The following GTF2IRD2 variants were observed in gnomAD, a reference collection of about 807,000 sequenced individuals.
The protein encoded by GTF2IRD2 is GTF2I repeat domain containing 2, also known as general transcription factor II-I repeat domain-containing protein 2A.
Under a neutral mutation model 49.2 loss-of-function variants are expected in GTF2IRD2, and 8 were observed. The observed-to-expected ratio is 0.16, with a 90% CI of 0.10 to 0.29. GTF2IRD2 has a LOEUF of 0.29. Ranked by LOEUF, GTF2IRD2 falls within the 10% of genes least tolerant of loss-of-function variation. GTF2IRD2 has a pLI of 1.00. For synonymous variants in GTF2IRD2, 47 were observed against 289.7 expected (o/e 0.16, Z 8.51); for missense variants, 130 against 725.7 (o/e 0.18, Z 9.43).
intron 3 of GTF2IRD2, 134 bp from the exon 4 acceptor site, chr7:74,825,186 CA>C (rs1372244698): frequency 2.6e-6 from 2 of 773,076 alleles, no homozygotes; most frequent in Admixed American, 8.2e-5. Context: ...TAAAGAAAAA[CA>C]AGAAAAAATT....
chr7:74,841,142 C>T lies in GTF2IRD2; in HGVS notation c.-5-4759G>A, dbSNP rs1312533287. On this transcript the variant is annotated intron_variant, in intron 1 of 15. Transcript: ENST00000451013. ...GGGTCTACAGGCGTGAGCCACCATG[C>T]CCAGCCTTATTTTATATATATATAT... Among the ~76,000 whole-genome samples the T allele has an allele frequency of 3.5e-5, 5 of 142,784 alleles. 1 individual carries two copies. The highest frequency in any genetic ancestry group is 1.4e-4 in the African/African-American group (5 of 35,758). 93.7% of individuals were successfully genotyped at this position (142,784 alleles called of 152,430 possible).
intron 1 of GTF2IRD2, among the ~76,000 whole-genome samples, chr7:74,842,231 CTTTT>C (rs71267867): frequency 8.2e-6 from 1 of 121,898 alleles, no homozygotes. Context: ...TTTTAATTTT[CTTTT>C]TTTTTTTTTT....
chr7:74,835,006 C>T (rs1396202466), intron 2 of GTF2IRD2, among the ~76,000 whole-genome samples: 1 of 110,302 alleles, frequency 9.1e-6, no homozygotes, highest in East Asian at 2.5e-4. Flanking sequence ...TAATTTTGAT[C>T]ACTTGAATGA....
At chr7:74,829,663 C>T (rs1291292575) in intron 3 of GTF2IRD2, among the ~76,000 whole-genome samples, 27 of 146,738 alleles carry the variant, frequency 1.8e-4, no homozygotes, top group Non-Finnish European at 3.1e-4. Flanking sequence ...GGGTGGATCA[C>T]GAGGTCAGGA....
intron 3 of GTF2IRD2, among the ~76,000 whole-genome samples, chr7:74,831,446 C>G (rs782491021): frequency 6.6e-6 from 1 of 150,936 alleles, no homozygotes; most frequent in African/African-American, 2.4e-5. Flanking sequence ...CAGACACACA[C>G]ACACACACAC....
intron 2 of GTF2IRD2, among the ~76,000 whole-genome samples, chr7:74,833,173 CT>C (rs1554420596): frequency 1.0e-5 from 1 of 99,546 alleles, no homozygotes; most frequent in Admixed American, 1.1e-4. Context: ...CGGCCTCAGC[CT>C]CCTGAGTAGC....
At chr7:74,841,674 C>T (rs1278601032) in intron 1 of GTF2IRD2, among the ~76,000 whole-genome samples, 1 of 142,930 alleles carries the variant, frequency 7.0e-6, no homozygotes, top group Non-Finnish European at 1.5e-5. Flanking sequence ...TTTATGAATC[C>T]CCTCAACTTA....
chr7:74,796,413 T>A lies in GTF2IRD2; in HGVS notation c.*249A>T, dbSNP rs1796955876. On this transcript the variant is annotated 3_prime_UTR_variant, in exon 16 of 16. Coordinates refer to ENST00000451013, the MANE Select transcript of GTF2IRD2 (RefSeq NM_173537.5). ...AACCTCATCTCTACTAATACAAAAATTAGCCAGGCATGGTGGCGCACGCCT... is the reference window on the plus strand; with the variant it reads ...AACCTCATCTCTACTAATACAAAAAATAGCCAGGCATGGTGGCGCACGCCT... 2.1e-6 allele frequency: 1 copy of A among 484,270 alleles called. No individual in the cohort carries two copies. Among genetic ancestry groups the A allele is most frequent in the Non-Finnish European group, 3.8e-6 (1 of 265,064 alleles). The allele number at this position is 484,270 out of a possible 1,614,324, so 30.0% of individuals were successfully genotyped here.
chr7:74,830,200 C>CAAAAAAAA (rs782359912), intron 3 of GTF2IRD2, among the ~76,000 whole-genome samples: 1 of 16,540 alleles, frequency 6.0e-5, no homozygotes, highest in Non-Finnish European at 1.7e-4. Context: ...AACCCTGTCT[C>CAAAAAAAA]AAAAAAAAAA....
chr7:74,798,549 C>T lies in GTF2IRD2; in HGVS notation c.1247-284G>A, dbSNP rs587611551. On this transcript the variant is annotated intron_variant, in intron 15 of 15. Coordinates refer to ENST00000451013, the MANE Select transcript of GTF2IRD2 (RefSeq NM_173537.5). ...GTTGAGACGGAGTTTTGCTCTGTCG[C>T]CCAGGCTGCAGTGCAGTGGCGCAAT... Among the ~76,000 whole-genome samples, 3 of 151,350 alleles carry T rather than the reference C, an allele frequency of 2.0e-5. No individual in the cohort carries two copies. In the Admixed American group the frequency reaches 2.0e-4, roughly 10 times the overall value.
At chr7:74,830,200 CA>C (rs782359912) in intron 3 of GTF2IRD2, among the ~76,000 whole-genome samples, 1,409 of 16,546 alleles carry the variant, frequency 0.085, 109 homozygotes, top group Non-Finnish European at 0.17. Context: ...AACCCTGTCT[CA>C]AAAAAAAAAA....
intron 5 of GTF2IRD2, 44 bp downstream of exon 5, chr7:74,822,580 C>T (rs1799007151): frequency 1.8e-6 from 1 of 569,606 alleles, no homozygotes; most frequent in Non-Finnish European, 3.1e-6. Flanking sequence ...CTATTGGTTT[C>T]ATCTTTAAAT....
At chr7:74,844,327 G>A (rs1801074761) in intron 1 of GTF2IRD2, among the ~76,000 whole-genome samples, 1 of 115,176 alleles carries the variant, frequency 8.7e-6, no homozygotes, top group Non-Finnish European at 1.8e-5. Flanking sequence ...TCTTTTACCT[G>A]ATGTAAACTA....
At chr7:74,818,462 T>C (rs1798630349) in intron 8 of GTF2IRD2, among the ~76,000 whole-genome samples, 1 of 140,752 alleles carries the variant, frequency 7.1e-6, no homozygotes, top group Non-Finnish European at 1.5e-5. Context: ...CTCTCTCTTT[T>C]TTTTTTTTTT....
intron 2 of GTF2IRD2, among the ~76,000 whole-genome samples, chr7:74,834,233 C>CT (rs1212104357): frequency 0.028 from 2,688 of 96,580 alleles, 176 homozygotes; most frequent in Non-Finnish European, 0.037. Context: ...TTTATTTTTC[C>CT]TTTTTTTTTT....
intron 1 of GTF2IRD2, among the ~76,000 whole-genome samples, chr7:74,840,590 T>C (rs1350328151): frequency 8.0e-6 from 1 of 125,150 alleles, no homozygotes; most frequent in Non-Finnish European, 1.6e-5. Context: ...GTTGAAACTA[T>C]TCATGGAGCC....
chr7:74,840,911 G>A (rs1800766585), intron 1 of GTF2IRD2, among the ~76,000 whole-genome samples: 1 of 112,860 alleles, frequency 8.9e-6, no homozygotes, highest in Admixed American at 9.0e-5. Flanking sequence ...GCAGTGGTGC[G>A]ATCTCGGCTC....
chr7:74,815,806 GA>G (rs1278914927), intron 8 of GTF2IRD2, among the ~76,000 whole-genome samples: 3 of 50,354 alleles, frequency 6.0e-5, no homozygotes, highest in East Asian at 3.8e-4. Flanking sequence ...AGGAAAGAAA[GA>G]AAGAAAGAAA....
chr7:74,831,438 GACAC>G (rs782567944), intron 3 of GTF2IRD2, among the ~76,000 whole-genome samples: 19 of 110,902 alleles, frequency 1.7e-4, no homozygotes, highest in East Asian at 5.0e-4. Context: ...TACACACACA[GACAC>G]ACACACACAC....
Sources: gnomAD v4.1 joint callset for allele counts (sites outside exome capture counted in the v4.1 genomes callset) on GRCh38, gnomAD v4.1.1 for gene constraint, MANE v1.5 for transcripts, NCBI Gene and HGNC (gene_info 2026-07-23, HGNC 2026-07-21) for gene names.